Variants in BARD1 observed in about 807,000 individuals in gnomAD.
BARD1 encodes the protein BRCA1-associated RING domain protein 1.
In BARD1, 73 loss-of-function variants were observed where a neutral mutation model predicts 77.0. The ratio of observed to expected loss-of-function variants is 0.95; its 90% CI spans 0.79 to 1.15. BARD1 has a LOEUF of 1.15. Ranked by LOEUF, BARD1 falls within the 50% of genes most tolerant of loss-of-function variation. BARD1 has a pLI of 0.00. For synonymous variants in BARD1, 384 were observed against 338.0 expected (o/e 1.14, Z -1.49); for missense variants, 993 against 938.8 (o/e 1.06, Z -0.75).
At chr2:214,773,285 TA>T (rs1694592960) in intron 4 of BARD1, among the ~76,000 whole-genome samples, 1 of 152,168 alleles carries the variant, frequency 6.6e-6, no homozygotes, top group African/African-American at 2.4e-5. Context: ...TACAATTAAG[TA>T]TAAGACAAAT....
At chr2:214,736,654 AT>A (rs1284079017) in intron 9 of BARD1, among the ~76,000 whole-genome samples, 8 of 152,160 alleles carry the variant, frequency 5.3e-5, no homozygotes, top group Non-Finnish European at 1.2e-4. Flanking sequence ...ACATGCTGGC[AT>A]TAGTCAATCA....
At chr2:214,788,686 A>G (rs1695386363) in intron 3 of BARD1, among the ~76,000 whole-genome samples, 1 of 152,114 alleles carries the variant, frequency 6.6e-6, no homozygotes, top group Non-Finnish European at 1.5e-5. Flanking sequence ...TAACAGAATC[A>G]TACAATTTTG....
At chr2:214,780,429 G>A (rs1694929251) in intron 4 of BARD1, 131 bp downstream of exon 4, 1 of 816,846 alleles carries the variant, frequency 1.2e-6, no homozygotes, top group South Asian at 1.6e-5. Flanking sequence ...GGCTTCTCTG[G>A]TTCAGAGGAA....
intron 3 of BARD1, among the ~76,000 whole-genome samples, chr2:214,788,300 T>A (rs1275993011): frequency 6.6e-6 from 1 of 151,824 alleles, no homozygotes; most frequent in Non-Finnish European, 1.5e-5. Context: ...TAAATTTAAC[T>A]CCATTAGTAA....
chr2:214,797,174 C>CAATG, intron 1 of BARD1, 57 bp from the exon 2 acceptor site: 1 of 1,359,970 alleles, frequency 7.4e-7, no homozygotes, highest in Non-Finnish European at 1.1e-6. Flanking sequence ...AAACATCTCA[C>CAATG]ACCCAATATT....
At chr2:214,789,623 C>G (rs758355111) in intron 3 of BARD1, among the ~76,000 whole-genome samples, 18 of 152,022 alleles carry the variant, frequency 1.2e-4, no homozygotes, top group Non-Finnish European at 2.1e-4. Context: ...TTTTATCCAA[C>G]TCAATTCAAC....
intron 4 of BARD1, among the ~76,000 whole-genome samples, chr2:214,775,679 G>A (rs1000191145): frequency 1.3e-5 from 2 of 152,152 alleles, no homozygotes; most frequent in Non-Finnish European, 2.9e-5. Context: ...GCATAAAAAA[G>A]TGAAGTGCAA....
intron 3 of BARD1, among the ~76,000 whole-genome samples, chr2:214,785,322 C>T (rs1559430171): frequency 6.6e-6 from 1 of 151,984 alleles, no homozygotes; most frequent in Non-Finnish European, 1.5e-5. Context: ...CAACTACCTT[C>T]AAGTTGTCTT....
intron 8 of BARD1, among the ~76,000 whole-genome samples, chr2:214,745,474 A>T (rs537116385): frequency 1.3e-5 from 2 of 152,336 alleles, no homozygotes; most frequent in South Asian, 4.1e-4. Flanking sequence ...AAAAGTCACA[A>T]ATTTGCTCTT....
intron 1 of BARD1, 23 bp downstream of exon 1, chr2:214,809,389 C>T (rs749166978): frequency 1.2e-6 from 2 of 1,611,626 alleles, no homozygotes; most frequent in Admixed American, 1.7e-5. Context: ...CTCGCAGCCA[C>T]CCCCAAGAAG....
chr2:214,730,061 T>C (rs1692282438), intron 10 of BARD1, among the ~76,000 whole-genome samples: 1 of 152,238 alleles, frequency 6.6e-6, no homozygotes. Flanking sequence ...TAATGCGATA[T>C]TATCCATTAA....
chr2:214,763,597 C>G (rs1411054155), intron 6 of BARD1, among the ~76,000 whole-genome samples: 1 of 152,102 alleles, frequency 6.6e-6, no homozygotes, highest in Non-Finnish European at 1.5e-5. Flanking sequence ...AGTAGCAAAC[C>G]CTAAAGAGGG....
intron 1 of BARD1, among the ~76,000 whole-genome samples, chr2:214,798,572 A>C (rs1169859332): frequency 1.3e-5 from 2 of 152,024 alleles, no homozygotes; most frequent in Non-Finnish European, 2.9e-5. Flanking sequence ...CTACCTTGAA[A>C]GAAGTCCATT....
intron 9 of BARD1, among the ~76,000 whole-genome samples, chr2:214,731,673 A>G (rs941239340): frequency 1.3e-5 from 2 of 152,196 alleles, no homozygotes; most frequent in Admixed American, 6.5e-5. Flanking sequence ...CAAACCCTCC[A>G]TACAATTTCC....
At chr2:214,745,671 C>G in intron 8 of BARD1, 51 bp downstream of exon 8, 1 of 1,595,890 alleles carries the variant, frequency 6.3e-7, no homozygotes. Context: ...CCAAAAGGAT[C>G]ATCTATTTAA....
chr2:214,756,631 T>C (rs1559398905), intron 6 of BARD1, among the ~76,000 whole-genome samples: 1 of 152,184 alleles, frequency 6.6e-6, no homozygotes, highest in Non-Finnish European at 1.5e-5. Context: ...ATATATACAA[T>C]AGAATACCAC....
Position 214,781,140 on chromosome 2 carries a change from T to A in BARD1, c.734A>T (p.Gln245Leu). 6.4e-7 allele frequency: 1 copy of A among 1,574,208 alleles called. No homozygotes were observed. Among genetic ancestry groups the A allele is most frequent in the African/African-American group, 1.4e-5 (1 of 73,046 alleles). ...CTGAGGACTGGAGATAACAGATGGT[T>A]GGCTACAGAAGGATACCAGCTTTTG... ...SKQKLVSFCS[Q>L]PSVISSPQIN... Residue 245 changes from glutamine to leucine, a missense_variant, in exon 4 of 11, where the codon CAA becomes CTA. Transcript: ENST00000260947.
intron 4 of BARD1, among the ~76,000 whole-genome samples, chr2:214,771,824 T>C (rs1299450389): frequency 6.6e-6 from 1 of 151,040 alleles, no homozygotes; most frequent in African/African-American, 2.4e-5. Flanking sequence ...TAAATTCTCA[T>C]GCAACATACA....
At chr2:214,788,505 C>T (rs1292317798) in intron 3 of BARD1, among the ~76,000 whole-genome samples, 1 of 152,066 alleles carries the variant, frequency 6.6e-6, no homozygotes, top group Non-Finnish European at 1.5e-5. Flanking sequence ...CATGATTTGA[C>T]AAGTTCTTCC....
Sources: gnomAD v4.1 joint callset for allele counts (sites outside exome capture counted in the v4.1 genomes callset) on GRCh38, gnomAD v4.1.1 for gene constraint, MANE v1.5 for transcripts, NCBI Gene and HGNC (gene_info 2026-07-23, HGNC 2026-07-21) for gene names.